The following ACSL5 variants were observed in gnomAD, a reference collection of about 807,000 sequenced individuals.
ACSL5 encodes the protein long-chain-fatty-acid--CoA ligase 5.
In ACSL5, 50 loss-of-function variants were observed where a neutral mutation model predicts 84.9. That is an observed-to-expected ratio of 0.59 (90% confidence interval 0.47 to 0.75). The LOEUF is 0.75. ACSL5 is among the 30% of genes least tolerant of loss of function. The pLI is 0.00. For synonymous variants in ACSL5, 280 were observed against 300.7 expected (o/e 0.93, Z 0.71); for missense variants, 775 against 830.4 (o/e 0.93, Z 0.82).
intron 3 of ACSL5, among the ~76,000 whole-genome samples, chr10:112,402,545 T>C (rs1843933268): frequency 2.0e-5 from 3 of 152,218 alleles, no homozygotes; most frequent in African/African-American, 7.2e-5. Flanking sequence ...GGAAAGTTAG[T>C]CTGAGACGTT....
intron 1 of ACSL5, among the ~76,000 whole-genome samples, chr10:112,390,810 G>A (rs1849546233): frequency 6.6e-6 from 1 of 152,120 alleles, no homozygotes; most frequent in African/African-American, 2.4e-5. Context: ...AAAGAAGTCA[G>A]ACACAAAAAG....
At chr10:112,395,176 C>T in intron 2 of ACSL5, 74 bp downstream of exon 2, 1 of 1,430,546 alleles carries the variant, frequency 7.0e-7, no homozygotes, top group Non-Finnish European at 9.7e-7. Context: ...CTAGGGATAG[C>T]TCATGAAGGG....
At chr10:112,412,226 G>A in intron 11 of ACSL5, 2 of 462,280 alleles carry the variant, frequency 4.3e-6, no homozygotes, top group Admixed American at 3.6e-5. Context: ...GGGTGTGTGA[G>A]TCTAGTGACA....
At position 112,381,795 on chromosome 10, in the gene ACSL5, A is replaced by G. The variant is rs561029953; in HGVS notation, c.-30+7526A>G. On this transcript the variant is annotated intron_variant, in intron 1 of 20. Transcript: ENST00000354655. ...CAGACTGGCCAATATGGTGAAACCT[A>G]GTCTCTACCAAAAATACAAAAATTA... Among the ~76,000 whole-genome samples the G allele has an allele frequency of 6.2e-4, 95 of 152,116 alleles. No homozygotes were observed. The South Asian group carries it at 0.016, about 26-fold the overall frequency.
chr10:112,386,422 G>A (rs1219538423), intron 1 of ACSL5, among the ~76,000 whole-genome samples: 1 of 151,938 alleles, frequency 6.6e-6, no homozygotes, highest in Admixed American at 6.6e-5. Flanking sequence ...TTGAACTCCT[G>A]ACCTCAAGTG....
intron 12 of ACSL5, among the ~76,000 whole-genome samples, chr10:112,415,519 G>A (rs1844295270): frequency 6.6e-6 from 1 of 152,194 alleles, no homozygotes; most frequent in African/African-American, 2.4e-5. Flanking sequence ...GGTGAGTCTT[G>A]TGAATGTTGA....
chr10:112,397,053 A>G (rs1589680651), intron 2 of ACSL5, among the ~76,000 whole-genome samples: 1 of 152,088 alleles, frequency 6.6e-6, no homozygotes, highest in East Asian at 1.9e-4. Flanking sequence ...ACTTCATGAG[A>G]GTTGGACCAC....
rs377617070 is a variant in ACSL5 at position 112,376,485 on chromosome 10, G to A, written c.-30+2216G>A. 3 of 1,613,368 alleles carry A rather than the reference G, an allele frequency of 1.9e-6. No homozygotes were observed. The African/African-American group carries it at 4.0e-5, about 22-fold the overall frequency. On this transcript the variant is annotated intron_variant, in intron 1 of 20. Transcript: ENST00000354655. ...ATCGAGGGGGTGTTATTCAGCAAGG[G>A]GGTCTTGTGAGGGTGTGACAGAGGC...
chr10:112,400,504 G>A (rs1843860395), intron 3 of ACSL5, among the ~76,000 whole-genome samples: 1 of 141,664 alleles, frequency 7.1e-6, no homozygotes, highest in African/African-American at 2.6e-5. Flanking sequence ...CTGCCTCCCA[G>A]GTTCAAGCAA....
Position 112,403,122 on chromosome 10 carries a change from C to T in ACSL5, c.266-1389C>T, listed in dbSNP as rs183318804. On this transcript the variant is annotated intron_variant, in intron 3 of 20. Coordinates refer to ENST00000354655, the MANE Select transcript of ACSL5 (RefSeq NM_203379.2). The stretch of plus-strand genomic sequence containing the variant: ...TGTGTTTCCGTGTTTTTTTACAAGC[C>T]TTGATATCTTAGAAGATACTCTCAT... Among the ~76,000 whole-genome samples the T allele has an allele frequency of 1.2e-3, 176 of 152,178 alleles. 1 individual carries two copies. The highest frequency in any genetic ancestry group is 9.7e-3 in the Admixed American group (149 of 15,288).
intron 2 of ACSL5, among the ~76,000 whole-genome samples, chr10:112,396,903 T>C (rs1382140802): frequency 6.6e-6 from 1 of 152,220 alleles, no homozygotes; most frequent in Non-Finnish European, 1.5e-5. Flanking sequence ...CCCATGTAAA[T>C]TTTCCCTGAT....
chr10:112,394,993 C>T lies in ACSL5; in HGVS notation c.47C>T (p.Ala16Val), dbSNP rs1209345701. 6.8e-6 allele frequency: 11 copies of T among 1,613,862 alleles called. No individual in the cohort carries two copies. Among genetic ancestry groups the T allele is most frequent in the South Asian group, 2.2e-5 (2 of 91,080 alleles). Reference sequence around the variant, plus strand: ...TTGTTTTCCCCACTTCCGACCCCGGCGTTGATCTGCATCCTGACATTTGGA... The same window carrying T: ...TTGTTTTCCCCACTTCCGACCCCGGTGTTGATCTGCATCCTGACATTTGGA... Reference protein sequence around the residue: ...NFLFSPLPTPALICILTFGAA... With the variant: ...NFLFSPLPTPVLICILTFGAA... The change falls in exon 2 of 21, where the codon GCG becomes GTG. Residue 16 changes from alanine (A) to valine (V), a missense_variant. Transcript: ENST00000354655.
chr10:112,383,528 G>C (rs1287989471), intron 1 of ACSL5, among the ~76,000 whole-genome samples: 1 of 152,228 alleles, frequency 6.6e-6, no homozygotes, highest in Non-Finnish European at 1.5e-5. Context: ...CCTTTGCTCT[G>C]GTTTCTTATC....
intron 1 of ACSL5, among the ~76,000 whole-genome samples, chr10:112,381,600 G>A (rs547813628): frequency 3.3e-5 from 5 of 150,738 alleles, no homozygotes; most frequent in Middle Eastern, 3.4e-3. Context: ...CCCTGGAGGC[G>A]GAGGTTGCAG....
intron 12 of ACSL5, among the ~76,000 whole-genome samples, chr10:112,414,352 C>CTTTTTTTT (rs34464188): frequency 1.2e-4 from 10 of 85,502 alleles, no homozygotes; most frequent in African/African-American, 1.4e-4. Context: ...TTCAGTGATT[C>CTTTTTTTT]TTTTTTTTTT....
intron 1 of ACSL5, among the ~76,000 whole-genome samples, chr10:112,381,827 C>T (rs1239827352): frequency 3.3e-5 from 5 of 151,508 alleles, no homozygotes; most frequent in African/African-American, 7.3e-5. Flanking sequence ...ATTAGCTGGG[C>T]GTGGTGGCAC....
intron 16 of ACSL5, 46 bp from the exon 17 acceptor site, chr10:112,422,279 G>A (rs1215299664): frequency 1.3e-6 from 2 of 1,531,018 alleles, no homozygotes; most frequent in Admixed American, 1.7e-5. Flanking sequence ...CACGCTGGGA[G>A]GAGCAGCCTT....
At chr10:112,403,129 T>C (rs1425521692) in intron 3 of ACSL5, among the ~76,000 whole-genome samples, 1 of 152,204 alleles carries the variant, frequency 6.6e-6, no homozygotes, top group Non-Finnish European at 1.5e-5. Flanking sequence ...AGCCTTGATA[T>C]CTTAGAAGAT....
At chr10:112,410,126 A>G in intron 7 of ACSL5, 16 of 830,326 alleles carry the variant, frequency 1.9e-5, no homozygotes, top group Non-Finnish European at 2.2e-5. Context: ...TTCTCAGGAC[A>G]GTGATGGATA....
Sources: gnomAD v4.1 joint callset for allele counts (sites outside exome capture counted in the v4.1 genomes callset) on GRCh38, gnomAD v4.1.1 for gene constraint, MANE v1.5 for transcripts, NCBI Gene and HGNC (gene_info 2026-07-23, HGNC 2026-07-21) for gene names.